Variants in PMM2 observed in about 807,000 individuals in gnomAD.
PMM2 encodes the protein phosphomannomutase 2.
In PMM2, 35 loss-of-function variants were observed where a neutral mutation model predicts 33.2. That is an observed-to-expected ratio of 1.06 (90% CI 0.81 to 1.40). The LOEUF is 1.40. Among genes scored for constraint, PMM2 ranks in the 40% most tolerant of loss-of-function variants. PMM2 has a pLI of 0.00. For synonymous variants in PMM2, 153 were observed against 114.7 expected (o/e 1.33, Z -2.13); for missense variants, 386 against 306.0 (o/e 1.26, Z -1.95).
At chr16:8,837,295 C>T (rs1159695413) in intron 7 of PMM2, among the ~76,000 whole-genome samples, 3 of 151,948 alleles carry the variant, frequency 2.0e-5, no homozygotes, top group Admixed American at 6.6e-5. Context: ...GATGGAAAAA[C>T]TGAAAGTGCC....
At position 8,811,687 on chromosome 16, in the gene PMM2, C is replaced by G. The variant is rs780108125; in HGVS notation, c.497C>G (p.Ala166Gly). ...KFVADLRKEF[A>G]GKGLTFSIGG... The stretch of plus-strand genomic sequence containing the variant: ...GTAGCAGATCTACGGAAAGAGTTTG[C>G]TGGAAAAGGCCTCACGTTTTCCATA... The change falls in exon 6 of 8, where the codon GCT becomes GGT. Residue 166 changes from alanine to glycine, a missense_variant. Coordinates refer to ENST00000268261, the MANE Select transcript of PMM2 (RefSeq NM_000303.3). 6.2e-7 allele frequency: 1 copy of G among 1,612,648 alleles called. No individual in the cohort carries two copies. Among genetic ancestry groups the G allele is most frequent in the South Asian group, 1.1e-5 (1 of 91,042 alleles).
intron 7 of PMM2, among the ~76,000 whole-genome samples, chr16:8,843,406 G>T (rs1244104113): frequency 6.6e-6 from 1 of 152,164 alleles, no homozygotes; most frequent in Non-Finnish European, 1.5e-5. Context: ...AGAGTTCTAG[G>T]GGCTCTGGGA....
At chr16:8,845,398 G>C (rs887208192) in intron 7 of PMM2, among the ~76,000 whole-genome samples, 12 of 152,114 alleles carry the variant, frequency 7.9e-5, no homozygotes, top group Non-Finnish European at 1.8e-4. Context: ...AGGCCATCTG[G>C]ATGTACACGT....
intron 7 of PMM2, among the ~76,000 whole-genome samples, chr16:8,833,870 C>T (rs1192823849): frequency 3.3e-5 from 5 of 151,852 alleles, no homozygotes; most frequent in African/African-American, 7.3e-5. Context: ...ATTTATTTAC[C>T]TCAAGAGTTT....
intron 7 of PMM2, among the ~76,000 whole-genome samples, chr16:8,820,707 A>G (rs2060734200): frequency 6.6e-6 from 1 of 152,194 alleles, no homozygotes; most frequent in Non-Finnish European, 1.5e-5. Flanking sequence ...CATCTGAGGA[A>G]AGTGGGTGAC....
chr16:8,816,219 T>C (rs1179204996), intron 7 of PMM2, among the ~76,000 whole-genome samples: 1 of 152,074 alleles, frequency 6.6e-6, no homozygotes, highest in Non-Finnish European at 1.5e-5. Flanking sequence ...CACTGCCTCC[T>C]GAGTTCAAGC....
intron 2 of PMM2, among the ~76,000 whole-genome samples, chr16:8,803,289 T>A (rs1360330076): frequency 6.6e-6 from 1 of 152,240 alleles, no homozygotes; most frequent in Non-Finnish European, 1.5e-5. Context: ...CTGGTAGATC[T>A]CCTACTTAGA....
intron 7 of PMM2, among the ~76,000 whole-genome samples, chr16:8,820,355 T>C (rs1363038014): frequency 6.7e-6 from 1 of 148,440 alleles, no homozygotes; most frequent in Non-Finnish European, 1.5e-5. Context: ...GTTCTTCTTT[T>C]TTTTTTTTTT....
At chr16:8,816,765 G>A (rs892854867) in intron 7 of PMM2, among the ~76,000 whole-genome samples, 3 of 152,102 alleles carry the variant, frequency 2.0e-5, no homozygotes, top group South Asian at 2.1e-4. Context: ...AAATGTTGGC[G>A]AGGGTGTGGA....
At chr16:8,844,001 TA>T (rs2060907577) in intron 7 of PMM2, among the ~76,000 whole-genome samples, 1 of 152,020 alleles carries the variant, frequency 6.6e-6, no homozygotes, top group African/African-American at 2.4e-5. Context: ...GCACAGAGAC[TA>T]GGAAGGGACT....
At chr16:8,807,002 A>T (rs2060651705) in intron 4 of PMM2, 1 of 154,774 alleles carries the variant, frequency 6.5e-6, no homozygotes, top group Admixed American at 6.3e-5. Flanking sequence ...TTTATTTATG[A>T]ATTTATTTTT....
intron 2 of PMM2, 146 bp downstream of exon 2, chr16:8,802,056 T>C (rs2060619785): frequency 3.1e-6 from 2 of 651,332 alleles, no homozygotes; most frequent in Non-Finnish European, 5.7e-6. Context: ...TCTTGGCCTT[T>C]GCTTTTCCTC....
intron 1 of PMM2, among the ~76,000 whole-genome samples, chr16:8,798,478 G>A (rs2060592461): frequency 6.6e-6 from 1 of 152,174 alleles, no homozygotes; most frequent in Non-Finnish European, 1.5e-5. Context: ...TCCATATGGT[G>A]TCTGTGAGGA....
chr16:8,842,319 C>CT (rs1007315308), intron 7 of PMM2: 4 of 152,232 alleles, frequency 2.6e-5, no homozygotes, highest in Non-Finnish European at 5.9e-5. Flanking sequence ...AGAAGTGTGT[C>CT]TTGTTGAGAA....
chr16:8,839,948 G>C (rs1000905053), intron 7 of PMM2, among the ~76,000 whole-genome samples: 5 of 148,056 alleles, frequency 3.4e-5, no homozygotes, highest in African/African-American at 5.0e-5. Context: ...AATGTCTGGG[G>C]AAGTCTTGCT....
chr16:8,798,660 A>G (rs939123933), intron 1 of PMM2, among the ~76,000 whole-genome samples: 11 of 152,158 alleles, frequency 7.2e-5, no homozygotes, highest in African/African-American at 1.9e-4. Flanking sequence ...GGGCCCTTGG[A>G]AACTTGCTTT....
intron 7 of PMM2, among the ~76,000 whole-genome samples, chr16:8,824,515 C>A (rs1405036899): frequency 6.6e-6 from 1 of 152,162 alleles, no homozygotes; most frequent in Non-Finnish European, 1.5e-5. Flanking sequence ...GAGTCTTACA[C>A]AATTTTGTAA....
chr16:8,830,554 T>C (rs2060803755), intron 7 of PMM2, among the ~76,000 whole-genome samples: 1 of 151,942 alleles, frequency 6.6e-6, no homozygotes, highest in Non-Finnish European at 1.5e-5. Flanking sequence ...TCTTCTGTCC[T>C]TGGGTGGGAT....
chr16:8,819,708 A>AG (rs1364814241), intron 7 of PMM2, among the ~76,000 whole-genome samples: 1 of 151,476 alleles, frequency 6.6e-6, no homozygotes, highest in East Asian at 1.9e-4. Context: ...AAAAAAAAAA[A>AG]AACAATAAAA....
Sources: allele counts gnomAD v4.1 joint callset (sites outside exome capture counted in the v4.1 genomes callset), GRCh38; gene constraint gnomAD v4.1.1; transcripts MANE v1.5; gene names NCBI Gene and HGNC (gene_info 2026-07-23, HGNC 2026-07-21).